Variants in YWHAZ observed in about 807,000 individuals in gnomAD.
YWHAZ encodes the protein 14-3-3 protein zeta/delta.
For missense variants in YWHAZ, 79 were observed against 284.8 expected, an observed-to-expected ratio of 0.28 and a Z score of 5.20; for synonymous variants, 87 against 103.6, an observed-to-expected ratio of 0.84 and a Z score of 0.97.
rs554009397 is a variant in YWHAZ at position 100,940,562 on chromosome 8, T to C, written c.294+8034A>G. Among the ~76,000 whole-genome samples, 8 of 152,338 alleles carry C rather than the reference T, an allele frequency of 5.3e-5. No homozygotes were observed. The East Asian group carries it at 1.5e-3, about 29-fold the overall frequency. The stretch of plus-strand genomic sequence containing the variant: ...TTATAAAATAGCAAGTTGTCAAATA[T>C]TAAATAAAAAATTTCAGCTTTCTAA... On this transcript the variant is annotated intron_variant, in intron 2 of 5. Transcript: ENST00000395958.
chr8:100,919,708 T>C lies in YWHAZ; in HGVS notation c.*985A>G, dbSNP rs1812889557. The C allele has an allele frequency of 2.0e-5, 3 of 152,492 alleles. No individual in the cohort carries two copies. Among genetic ancestry groups the C allele is most frequent in the Non-Finnish European group, 4.4e-5 (3 of 68,034 alleles). 9.4% of individuals were successfully genotyped at this position (152,492 alleles called of 1,614,324 possible). A position where few individuals can be genotyped will look rare whatever the true frequency, so the allele number is the denominator to read the frequency against. On this transcript the variant is annotated 3_prime_UTR_variant, in exon 6 of 6. Transcript: ENST00000395958. ...AGAAAGTAGTTGAAAAGTCCATTCA[T>C]AAAACTTTTATTCCACTTACATGAA...
chr8:100,932,303 C>T (rs1301064613), intron 2 of YWHAZ, among the ~76,000 whole-genome samples: 1 of 152,148 alleles, frequency 6.6e-6, no homozygotes, highest in Non-Finnish European at 1.5e-5. Flanking sequence ...AACCCACCCA[C>T]TCACCCACCC....
chr8:100,939,804 G>A (rs373344974), intron 2 of YWHAZ, among the ~76,000 whole-genome samples: 6 of 152,134 alleles, frequency 3.9e-5, no homozygotes, highest in African/African-American at 1.4e-4. Context: ...GGCGGATCAC[G>A]AGGTTAGGAG....
At chr8:100,944,862 G>A (rs968462298) in intron 2 of YWHAZ, among the ~76,000 whole-genome samples, 13 of 152,076 alleles carry the variant, frequency 8.5e-5, no homozygotes, top group Non-Finnish European at 1.5e-5. Context: ...GATTTCCTCA[G>A]GCCATGCATC....
upstream of YWHAZ, chr8:100,952,664 G>A: frequency 6.1e-6 from 3 of 495,704 alleles, no homozygotes; most frequent in Non-Finnish European, 7.9e-6. Context: ...TGGCTCGGCG[G>A]CTCCGGCATT....
At chr8:100,946,884 G>T (rs1219774486) in intron 2 of YWHAZ, among the ~76,000 whole-genome samples, 1 of 122,908 alleles carries the variant, frequency 8.1e-6, no homozygotes, top group African/African-American at 3.1e-5. Context: ...AGTAAGGTGA[G>T]CAAAAAAAAA....
chr8:100,917,870 T>C lies in YWHAZ; in HGVS notation c.*2823A>G, dbSNP rs1812768263. 6.6e-6 allele frequency: 1 copy of C among 152,166 alleles called. No homozygotes were observed. Among genetic ancestry groups the C allele is most frequent in the Non-Finnish European group, 1.5e-5 (1 of 68,032 alleles). 9.4% of individuals were successfully genotyped at this position (152,166 alleles called of 1,614,324 possible). ...AATAGTTACAAACACATTATTCAAA[T>C]TCCAAAACAAAGAATCTCAGGTTGG... On this transcript the variant is annotated 3_prime_UTR_variant, in exon 6 of 6. Transcript: ENST00000395958.
At position 100,924,616 on chromosome 8, in the gene YWHAZ, A is replaced by G. The variant is rs1586088783; in HGVS notation, c.418+300T>C. On this transcript the variant is annotated intron_variant, in intron 3 of 5. Transcript: ENST00000395958. This position sits in a 1 kb window ranked among gnomAD's most constrained non-coding sequence, Gnocchi z 5.7. ...AGATTAGCTGGGACCAAAGGCTTGC[A>G]CCACCATGCCCAGCTAATTTTCAAA... Among the ~76,000 whole-genome samples, 1 of 152,198 alleles carries G rather than the reference A, an allele frequency of 6.6e-6. No individual in the cohort carries two copies. The highest frequency in any genetic ancestry group is 1.9e-4 in the East Asian group (1 of 5,202).
intron 2 of YWHAZ, among the ~76,000 whole-genome samples, chr8:100,932,852 A>C (rs1813851455): frequency 6.6e-6 from 1 of 152,232 alleles, no homozygotes; most frequent in Admixed American, 6.5e-5. Context: ...ATAATGTTTC[A>C]GATTCAAGGA....
chr8:100,951,666 C>G (rs1332806461), intron 1 of YWHAZ: 3 of 985,132 alleles, frequency 3.0e-6, no homozygotes, highest in African/African-American at 3.5e-5. Flanking sequence ...TACCCACCCC[C>G]GGGGGCAGGA....
At chr8:100,936,919 T>TA (rs1814187608) in intron 2 of YWHAZ, among the ~76,000 whole-genome samples, 1 of 152,066 alleles carries the variant, frequency 6.6e-6, no homozygotes, top group African/African-American at 2.4e-5. Context: ...AGGCAAAGAC[T>TA]AAAACAAGAC....
At chr8:100,936,660 G>T (rs1255247513) in intron 2 of YWHAZ, among the ~76,000 whole-genome samples, 1 of 152,134 alleles carries the variant, frequency 6.6e-6, no homozygotes, top group Non-Finnish European at 1.5e-5. Context: ...AATTAGCCAG[G>T]CATGGTGGCG....
At chr8:100,938,261 T>C (rs997149057) in intron 2 of YWHAZ, among the ~76,000 whole-genome samples, 3 of 152,208 alleles carry the variant, frequency 2.0e-5, no homozygotes, top group African/African-American at 7.2e-5. Context: ...CAATCTACAA[T>C]AAGATGATAC....
rs1174456174 is a variant in YWHAZ at position 100,924,908 on chromosome 8, C to T, written c.418+8G>A. ...CAAGTTCAACCAACAGGTTTAAAAA[C>T]AGCATACCTTTCTTGTCATCACCAG... On this transcript the variant is annotated splice_region_variant and intron_variant, in intron 3 of 5. Transcript: ENST00000395958. This position sits in a 1 kb window ranked among gnomAD's most constrained non-coding sequence, Gnocchi z 5.7. The T allele has an allele frequency of 6.2e-7, 1 of 1,611,642 alleles. No homozygotes were observed. Among genetic ancestry groups the T allele is most frequent in the African/African-American group, 1.3e-5 (1 of 74,824 alleles).
At chr8:100,936,564 G>C in intron 2 of YWHAZ, among the ~76,000 whole-genome samples, 1 of 152,106 alleles carries the variant, frequency 6.6e-6, no homozygotes, top group South Asian at 2.1e-4. Context: ...TCCTTGGGAG[G>C]CTAAGGCGGC....
chr8:100,943,854 G>T (rs1810054122), intron 2 of YWHAZ, among the ~76,000 whole-genome samples: 1 of 152,048 alleles, frequency 6.6e-6, no homozygotes, highest in Non-Finnish European at 1.5e-5. Flanking sequence ...GGGTGTGGTG[G>T]CGGGCACCTG....
chr8:100,948,626 C>T lies in YWHAZ; in HGVS notation c.264G>A (p.Thr88=), dbSNP rs1166726883. 8.7e-6 allele frequency: 14 copies of T among 1,611,036 alleles called. No individual in the cohort carries two copies. The highest frequency in any genetic ancestry group is 1.2e-5 in the Non-Finnish European group (14 of 1,179,858). The change falls in exon 2 of 6, where the codon ACG becomes ACA. Residue 88 remains threonine, a synonymous_variant. Coordinates refer to ENST00000395958, the MANE Select transcript of YWHAZ (RefSeq NM_145690.3). This position sits in a 1 kb window ranked among gnomAD's most constrained non-coding sequence, Gnocchi z 4.2. ...CATCATTGCAGATATCTCTTAGCTC[C>T]GTCTCAATTTTCTCTCTGTATTCTC... is the stretch of plus-strand genomic sequence containing the variant. ...MAREYREKIE[T]ELRDICNDVL...
At chr8:100,947,127 G>T (rs892567228) in intron 2 of YWHAZ, among the ~76,000 whole-genome samples, 3 of 151,344 alleles carry the variant, frequency 2.0e-5, no homozygotes, top group Non-Finnish European at 2.9e-5. Flanking sequence ...AGTGGCAGGC[G>T]CCTGTAGTCT....
intron 2 of YWHAZ, among the ~76,000 whole-genome samples, chr8:100,933,358 CA>C (rs35225207): frequency 0.012 from 1,744 of 141,878 alleles, 18 homozygotes; most frequent in African/African-American, 0.028. Flanking sequence ...GCCTCCGTCT[CA>C]AAAAAAAAAA....
Sources: gnomAD v4.1 joint callset for allele counts (sites outside exome capture counted in the v4.1 genomes callset) on GRCh38, gnomAD v4.1.1 for gene constraint, Gnocchi (gnomAD v3.1) non-coding constraint, MANE v1.5 for transcripts, NCBI Gene and HGNC (gene_info 2026-07-23, HGNC 2026-07-21) for gene names.